The following NLRC4 variants were observed in gnomAD, a reference collection of about 807,000 sequenced individuals.
NLRC4 encodes NLR family CARD domain containing 4, also known as NLR family CARD domain-containing protein 4.
A neutral mutation model predicts 79.9 loss-of-function variants in NLRC4; 63 were observed. The observed-to-expected ratio is 0.79, with a 90% CI of 0.64 to 0.97. The LOEUF is 0.97. Among genes scored for constraint, NLRC4 ranks in the 50% least tolerant of loss-of-function variants. The pLI is 0.00. For missense variants in NLRC4, 1,074 were observed against 1,215.2 expected (o/e 0.88, Z 1.73); for synonymous variants, 461 against 456.5 (o/e 1.01, Z -0.12).
upstream of NLRC4, chr2:32,265,563 T>C (rs913485063): frequency 6.6e-6 from 1 of 152,374 alleles, no homozygotes; most frequent in Admixed American, 6.5e-5. Flanking sequence ...AGCACATTGC[T>C]ACTGCATTCA....
chr2:32,225,895 T>A (rs1356401658), intron 8 of NLRC4, among the ~76,000 whole-genome samples: 3 of 152,232 alleles, frequency 2.0e-5, no homozygotes, highest in African/African-American at 7.2e-5. Flanking sequence ...ATTAAACTTG[T>A]GTTTCTTGGG....
chr2:32,259,154 G>A (rs867428263), intron 1 of NLRC4, among the ~76,000 whole-genome samples: 1 of 151,844 alleles, frequency 6.6e-6, no homozygotes, highest in Non-Finnish European at 1.5e-5. Context: ...GGAGTGCAGT[G>A]GCCCCATCAT....
At chr2:32,248,736 C>T (rs1469176973) in intron 4 of NLRC4, among the ~76,000 whole-genome samples, 2 of 151,616 alleles carry the variant, frequency 1.3e-5, no homozygotes, top group African/African-American at 4.8e-5. Context: ...ACTGCACTCC[C>T]ACCTGGGTGA....
intron 8 of NLRC4, among the ~76,000 whole-genome samples, chr2:32,225,174 G>A (rs552808574): frequency 4.6e-5 from 7 of 152,160 alleles, no homozygotes; most frequent in African/African-American, 1.7e-4. Flanking sequence ...CCACCTAACT[G>A]TTGTTTCTAT....
At position 32,259,345 on chromosome 2, in the gene NLRC4, T is replaced by A. The variant is rs144235935; in HGVS notation, c.-118-2452A>T. Among the ~76,000 whole-genome samples the A allele has an allele frequency of 6.8e-4, 99 of 146,516 alleles. 1 individual carries two copies. The East Asian group carries it at 0.016, about 24-fold the overall frequency. On this transcript the variant is annotated intron_variant, in intron 1 of 8. Coordinates refer to ENST00000402280, the MANE Select transcript of NLRC4 (RefSeq NM_001199138.2). ...CTGGTCTCAAACTCCTGGGCTAAAGTGATCTGTCTGCCTCAGTCTCCCAAA... is the reference window on the plus strand; with the variant it reads ...CTGGTCTCAAACTCCTGGGCTAAAGAGATCTGTCTGCCTCAGTCTCCCAAA...
Position 32,261,316 on chromosome 2 carries a change from C to CCCTTTTTTTTTTTTTTTTT in NLRC4, c.-119+3421_-119+3422insAAAAAAAAAAAAAAAAAGG. On this transcript the variant is annotated intron_variant, in intron 1 of 8. Coordinates refer to ENST00000402280, the MANE Select transcript of NLRC4 (RefSeq NM_001199138.2). ...TTCTTTCGCCTATTAAGCCTCCCCC[C>CCCTTTTTTTTTTTTTTTTT]TTTTGTTTTTTTTTGAGATGGAGCC... is the stretch of plus-strand genomic sequence containing the variant. Among the ~76,000 whole-genome samples, 28 of 96,916 alleles carry CCCTTTTTTTTTTTTTTTTT rather than the reference C, an allele frequency of 2.9e-4. 2 individuals are homozygous for CCCTTTTTTTTTTTTTTTTT. The highest frequency in any genetic ancestry group is 5.7e-3 in the Middle Eastern group (1 of 176). 63.6% of individuals were successfully genotyped at this position (96,916 alleles called of 152,430 possible). A position where few individuals can be genotyped will look rare whatever the true frequency, so the allele number is the denominator to read the frequency against.
chr2:32,257,205 A>G (rs911032520), intron 1 of NLRC4, among the ~76,000 whole-genome samples: 9 of 152,362 alleles, frequency 5.9e-5, no homozygotes, highest in Non-Finnish European at 1.2e-4. Context: ...GTCAACATGA[A>G]TGGTGCAGAG....
rs747021820 is a variant in NLRC4 at position 32,256,768 on chromosome 2, T to C, written c.1+7A>G. 3 of 780,966 alleles carry C rather than the reference T, an allele frequency of 3.8e-6. No homozygotes were observed. Among genetic ancestry groups the C allele is most frequent in the Non-Finnish European group, 7.2e-6 (3 of 418,058 alleles). 48.4% of individuals were successfully genotyped at this position (780,966 alleles called of 1,614,324 possible). A position where few individuals can be genotyped will look rare whatever the true frequency, so the allele number is the denominator to read the frequency against. On this transcript the variant is annotated splice_region_variant and intron_variant, in intron 2 of 8. Coordinates refer to ENST00000402280, the MANE Select transcript of NLRC4 (RefSeq NM_001199138.2). The stretch of plus-strand genomic sequence containing the variant: ...AACCAGGCAGATGTTATTTCTCATA[T>C]ACTTACTTGTTCTGGATGAAAGCTT...
chr2:32,230,146 G>A (rs1164791258), intron 8 of NLRC4, among the ~76,000 whole-genome samples: 8 of 152,098 alleles, frequency 5.3e-5, no homozygotes, highest in African/African-American at 1.9e-4. Flanking sequence ...CTGCCCTTAG[G>A]TAGGAGAAGA....
chr2:32,250,009 C>T lies in NLRC4; in HGVS notation c.1855G>A (p.Gly619Arg). ...GCCTTTTCCCATGAAGCCATAGCTC[C>T]CCCATAAAAGTCCAGTTTAATGAAG... ...LDFIKLDFYGGAMASWEKAAE... is the reference protein window; with the variant it reads ...LDFIKLDFYGRAMASWEKAAE... The change falls in exon 4 of 9, where the codon GGA (glycine) becomes AGA (arginine). Residue 619 changes from glycine to arginine, a missense_variant. Transcript: ENST00000402280. This position sits in a 1 kb window ranked among gnomAD's most constrained non-coding sequence, Gnocchi z 4.9. 5 of 1,614,198 alleles carry T rather than the reference C, an allele frequency of 3.1e-6. No homozygotes were observed. Among genetic ancestry groups the T allele is most frequent in the Non-Finnish European group, 4.2e-6 (5 of 1,180,052 alleles).
At chr2:32,237,118 T>C (rs1289176028) in intron 6 of NLRC4, among the ~76,000 whole-genome samples, 1 of 152,198 alleles carries the variant, frequency 6.6e-6, no homozygotes, top group African/African-American at 2.4e-5. Context: ...TAGCTAAGAA[T>C]TGCTTAGTGC....
intron 1 of NLRC4, among the ~76,000 whole-genome samples, chr2:32,259,255 C>CTGGCTAATT (rs1687280253): frequency 1.3e-5 from 1 of 79,792 alleles, no homozygotes; most frequent in Non-Finnish European, 2.6e-5. Flanking sequence ...GCCACCATGC[C>CTGGCTAATT]TGGCTAATTT....
intron 1 of NLRC4, among the ~76,000 whole-genome samples, chr2:32,264,497 C>G (rs1413166239): frequency 1.3e-5 from 2 of 151,322 alleles, no homozygotes; most frequent in Non-Finnish European, 2.9e-5. Flanking sequence ...TTCCAAAGTC[C>G]TTTCCATCTC....
Position 32,241,770 on chromosome 2 carries a change from A to G in NLRC4, c.2258-645T>C, listed in dbSNP as rs964469759. On this transcript the variant is annotated intron_variant, in intron 4 of 8. Transcript: ENST00000402280. ...AAGAAGTCTCATGGAAACTTTGATA[A>G]TATTTTGAAAAATATAAAAATAAAA... Among the ~76,000 whole-genome samples, 9 of 120,054 alleles carry G rather than the reference A, an allele frequency of 7.5e-5. No individual in the cohort carries two copies. In the Admixed American group the frequency reaches 8.2e-4, roughly 11 times the overall value. The allele number at this position is 120,054 out of a possible 152,430, so 78.8% of individuals were successfully genotyped here.
chr2:32,230,703 T>C (rs541451020), intron 8 of NLRC4, among the ~76,000 whole-genome samples: 204 of 152,308 alleles, frequency 1.3e-3, no homozygotes, highest in African/African-American at 4.8e-3. Flanking sequence ...GTTTCCACTT[T>C]TGAGCTACTA....
chr2:32,252,279 C>G, intron 3 of NLRC4, 140 bp downstream of exon 3: 1 of 666,760 alleles, frequency 1.5e-6, no homozygotes, highest in Non-Finnish European at 2.6e-6. Context: ...ATCATCTAAG[C>G]TTTTCCTTAG....
intron 8 of NLRC4, among the ~76,000 whole-genome samples, chr2:32,230,840 G>T (rs779378924): frequency 6.6e-6 from 1 of 152,088 alleles, no homozygotes; most frequent in Non-Finnish European, 1.5e-5. Context: ...TGAACAACTT[G>T]CCAGAATGTT....
At chr2:32,262,432 C>T (rs1434432680) in intron 1 of NLRC4, among the ~76,000 whole-genome samples, 1 of 152,114 alleles carries the variant, frequency 6.6e-6, no homozygotes, top group African/African-American at 2.4e-5. Context: ...AAAATCAATC[C>T]ATATACTGAA....
chr2:32,251,926 T>C (rs1687088400), intron 3 of NLRC4, among the ~76,000 whole-genome samples: 1 of 152,214 alleles, frequency 6.6e-6, no homozygotes, highest in Admixed American at 6.5e-5. Flanking sequence ...ATTGTCATCA[T>C]AGTAGGCCTT....
Sources: gnomAD v4.1 joint callset for allele counts (sites outside exome capture counted in the v4.1 genomes callset) on GRCh38, gnomAD v4.1.1 for gene constraint, Gnocchi (gnomAD v3.1) non-coding constraint, MANE v1.5 for transcripts, NCBI Gene and HGNC (gene_info 2026-07-23, HGNC 2026-07-21) for gene names.